Variants in ALDH1L1 observed in about 807,000 individuals in gnomAD.
The protein encoded by ALDH1L1 is aldehyde dehydrogenase 1 family member L1, also known as cytosolic 10-formyltetrahydrofolate dehydrogenase.
ALDH1L1 carries 68 observed loss-of-function variants against 101.1 expected under a neutral mutation model. The ratio of observed to expected loss-of-function variants is 0.67; its 90% CI spans 0.55 to 0.82. The LOEUF (loss-of-function observed/expected upper bound fraction) is 0.82. Among genes scored for constraint, ALDH1L1 ranks in the 40% least tolerant of loss-of-function variants. The pLI, the probability that ALDH1L1 is intolerant of heterozygous loss-of-function variation, is 0.00. For synonymous variants in ALDH1L1, 486 were observed against 470.8 expected, an observed-to-expected ratio of 1.03 and a Z score of -0.42; for missense variants, 1,087 against 1,172.7, an observed-to-expected ratio of 0.93 and a Z score of 1.07.
At chr3:126,183,698 A>G (rs2081494474), upstream of ALDH1L1, among the ~76,000 whole-genome samples, 1 of 152,230 alleles carries the variant, frequency 6.6e-6, no homozygotes, top group East Asian at 1.9e-4. Flanking sequence ...CTATCCCACC[A>G]GTTTATGTCA....
At chr3:126,105,541 C>T in intron 22 of ALDH1L1, 185 bp downstream of exon 22, 1 of 704,182 alleles carries the variant, frequency 1.4e-6, no homozygotes, top group Non-Finnish European at 2.5e-6. Context: ...AGCACGACCC[C>T]CCTCTGCAAG....
At chr3:126,152,967 G>C (rs1576464066) in intron 7 of ALDH1L1, 1 of 267,976 alleles carries the variant, frequency 3.7e-6, no homozygotes, top group East Asian at 9.2e-5. Context: ...GTTGTAGTCT[G>C]CTAATAACAA....
intron 16 of ALDH1L1, among the ~76,000 whole-genome samples, chr3:126,120,317 C>A (rs2080054352): frequency 6.6e-6 from 1 of 151,852 alleles, no homozygotes. Context: ...GCTATTAAGT[C>A]ACAAGAAGCC....
At chr3:126,148,256 G>A (rs983342458) in intron 8 of ALDH1L1, among the ~76,000 whole-genome samples, 6 of 152,206 alleles carry the variant, frequency 3.9e-5, no homozygotes, top group African/African-American at 1.2e-4. Flanking sequence ...TAAGGATTCC[G>A]TGTGTGAGGC....
intron 1 of ALDH1L1, among the ~76,000 whole-genome samples, chr3:126,193,823 C>A (rs1374471960): frequency 2.0e-5 from 3 of 152,158 alleles, no homozygotes; most frequent in Non-Finnish European, 4.4e-5. Flanking sequence ...CTGTGAAAAT[C>A]TGACAAAGTA....
chr3:126,155,286 C>G, intron 5 of ALDH1L1, 116 bp downstream of exon 5: 1 of 874,668 alleles, frequency 1.1e-6, no homozygotes, highest in Non-Finnish European at 1.7e-6. Context: ...TGTGTTCTGG[C>G]CTCAAAGAAT....
intron 1 of ALDH1L1, among the ~76,000 whole-genome samples, chr3:126,189,828 A>G (rs2108353608): frequency 6.6e-6 from 1 of 152,254 alleles, no homozygotes; most frequent in East Asian, 1.9e-4. Context: ...TATGTTTTCC[A>G]CTGGGAGTGA....
chr3:126,170,721 A>G (rs1162557076), intron 1 of ALDH1L1, among the ~76,000 whole-genome samples: 3 of 152,204 alleles, frequency 2.0e-5, no homozygotes, highest in African/African-American at 7.2e-5. Context: ...ATAGAGCAGG[A>G]GTACTGTCAT....
At chr3:126,192,176 C>T (rs1201004172) in intron 1 of ALDH1L1, among the ~76,000 whole-genome samples, 1 of 152,070 alleles carries the variant, frequency 6.6e-6, no homozygotes, top group African/African-American at 2.4e-5. Flanking sequence ...ATTAAGTGCT[C>T]GTAAATCGTG....
chr3:126,132,187 G>C (rs569035525), intron 12 of ALDH1L1, among the ~76,000 whole-genome samples: 12 of 152,370 alleles, frequency 7.9e-5, no homozygotes, highest in African/African-American at 1.4e-4. Flanking sequence ...CATCCCCTAG[G>C]GGGAGGGTGG....
chr3:126,157,721 T>C (rs2080944390), intron 3 of ALDH1L1, among the ~76,000 whole-genome samples: 1 of 152,212 alleles, frequency 6.6e-6, no homozygotes, highest in Admixed American at 6.5e-5. Context: ...ATATGCCTTA[T>C]GTAACTGAGT....
intron 1 of ALDH1L1, among the ~76,000 whole-genome samples, chr3:126,167,454 A>G (rs1249229276): frequency 2.6e-5 from 4 of 152,204 alleles, no homozygotes; most frequent in African/African-American, 9.6e-5. Context: ...CTTTAACAAG[A>G]TAATAAGGGA....
At chr3:126,132,256 C>T (rs1004522826) in intron 12 of ALDH1L1, among the ~76,000 whole-genome samples, 4 of 152,180 alleles carry the variant, frequency 2.6e-5, no homozygotes, top group Non-Finnish European at 5.9e-5. Context: ...CAGGGCAGCT[C>T]GGGCCCAGAG....
At chr3:126,175,510 A>C (rs963772707) in intron 1 of ALDH1L1, among the ~76,000 whole-genome samples, 1 of 152,198 alleles carries the variant, frequency 6.6e-6, no homozygotes, top group African/African-American at 2.4e-5. Flanking sequence ...AGAATTATAC[A>C]TAACCACCAC....
upstream of ALDH1L1, among the ~76,000 whole-genome samples, chr3:126,184,156 G>A (rs1354319135): frequency 1.3e-5 from 2 of 152,302 alleles, no homozygotes; most frequent in Admixed American, 6.5e-5. Context: ...GTCAGACAGT[G>A]GCAGAAGCCA....
intron 7 of ALDH1L1, 66 bp from the exon 8 acceptor site, chr3:126,150,597 C>A (rs1020287036): frequency 1.2e-5 from 18 of 1,494,458 alleles, no homozygotes; most frequent in Non-Finnish European, 1.5e-5. Context: ...CTCTGTTGCC[C>A]AGGCTGGAGT....
At chr3:126,176,221 G>A (rs372572950) in intron 1 of ALDH1L1, among the ~76,000 whole-genome samples, 60 of 152,258 alleles carry the variant, frequency 3.9e-4, no homozygotes, top group African/African-American at 1.4e-3. Flanking sequence ...ATGTTCATGG[G>A]TAGGGAAACT....
Position 126,127,487 on chromosome 3 carries a change from C to T in ALDH1L1, c.1695-1766G>A, listed in dbSNP as rs141000289. Among the ~76,000 whole-genome samples, 39 of 152,232 alleles carry T rather than the reference C, an allele frequency of 2.6e-4. No individual in the cohort carries two copies. In the East Asian group the frequency reaches 3.5e-3, roughly 14 times the overall value. ...TGACGCTCCTGGGGAGCTGCATGGA[C>T]GGTGAGGGTGGAGTTCCTTCTCTCT... is the stretch of plus-strand genomic sequence containing the variant. On this transcript the variant is annotated intron_variant, in intron 14 of 22. Coordinates refer to ENST00000393434, the MANE Select transcript of ALDH1L1 (RefSeq NM_012190.4).
intron 1 of ALDH1L1, among the ~76,000 whole-genome samples, chr3:126,176,484 A>G (rs1283552194): frequency 1.3e-5 from 2 of 152,236 alleles, no homozygotes; most frequent in Non-Finnish European, 2.9e-5. Flanking sequence ...GAATAGTCAG[A>G]TAGATCAATT....
Sources: allele counts gnomAD v4.1 joint callset (sites outside exome capture counted in the v4.1 genomes callset), GRCh38; gene constraint gnomAD v4.1.1; transcripts MANE v1.5; gene names NCBI Gene and HGNC (gene_info 2026-07-23, HGNC 2026-07-21).